Variants in RALGPS1 observed in about 807,000 individuals in gnomAD.
RALGPS1 encodes the protein ras-specific guanine nucleotide-releasing factor RalGPS1.
Under a neutral mutation model 78.8 loss-of-function variants are expected in RALGPS1, and 19 were observed. The ratio of observed to expected loss-of-function variants is 0.24; its 90% CI spans 0.17 to 0.35. RALGPS1 has a LOEUF of 0.35. Ranked by LOEUF, RALGPS1 falls within the 10% of genes least tolerant of loss-of-function variation. The pLI, the probability that RALGPS1 is intolerant of heterozygous loss-of-function variation, is 1.00. For missense variants in RALGPS1, 454 were observed against 688.3 expected, an observed-to-expected ratio of 0.66 and a Z score of 3.81; for synonymous variants, 228 against 256.3, an observed-to-expected ratio of 0.89 and a Z score of 1.06.
intron 4 of RALGPS1, among the ~76,000 whole-genome samples, chr9:126,986,273 C>T (rs920098403): frequency 6.6e-5 from 10 of 152,176 alleles, no homozygotes; most frequent in South Asian, 4.1e-4. Flanking sequence ...GTGACTCTAA[C>T]GAGTGACCAA....
intron 1 of RALGPS1, among the ~76,000 whole-genome samples, chr9:126,958,176 T>C (rs948649278): frequency 7.5e-6 from 1 of 132,528 alleles, no homozygotes; most frequent in African/African-American, 2.7e-5. Flanking sequence ...CACACACACA[T>C]ATATGTGTAT....
At chr9:126,974,315 T>C (rs2040402202) in intron 3 of RALGPS1, among the ~76,000 whole-genome samples, 1 of 152,196 alleles carries the variant, frequency 6.6e-6, no homozygotes, top group East Asian at 1.9e-4. Context: ...TTTCTGTGGT[T>C]CTGTGAGTCA....
In RALGPS1 at chr9:127,131,048, G is replaced by C. The variant is rs186473735; in HGVS notation, c.611-35021G>C. 1.9e-4 allele frequency among the ~76,000 whole-genome samples: 29 copies of C among 152,302 alleles called. 1 individual carries two copies. The East Asian group carries it at 2.5e-3, about 13-fold the overall frequency. On this transcript the variant is annotated intron_variant, in intron 8 of 18. Coordinates refer to ENST00000259351, the MANE Select transcript of RALGPS1 (RefSeq NM_014636.3). ...TATGTGCACTCGCCTCCATAAACTT[G>C]GCTAATTACACTATTGGCCGCTCCT...
At chr9:127,096,301 C>T (rs979829723) in intron 8 of RALGPS1, among the ~76,000 whole-genome samples, 1 of 152,226 alleles carries the variant, frequency 6.6e-6, no homozygotes. Flanking sequence ...TGGAGCAGAG[C>T]GCCGGTGGGC....
chr9:127,147,067 C>T (rs548190094), intron 8 of RALGPS1, among the ~76,000 whole-genome samples: 1 of 152,220 alleles, frequency 6.6e-6, no homozygotes, highest in East Asian at 1.9e-4. Flanking sequence ...TTAATAATAG[C>T]CATTCTGACT....
In RALGPS1 at chr9:127,183,148, G is replaced by A. The variant is rs1188821612; in HGVS notation, c.910+8366G>A. Among the ~76,000 whole-genome samples the A allele has an allele frequency of 3.3e-5, 5 of 150,150 alleles. No individual in the cohort carries two copies. Among genetic ancestry groups the A allele is most frequent in the Admixed American group, 6.8e-5 (1 of 14,718 alleles). On this transcript the variant is annotated intron_variant, in intron 11 of 18. Transcript: ENST00000259351. This position sits in a 1 kb window ranked among gnomAD's most constrained non-coding sequence, Gnocchi z 4.0. ...GTGCTAAGCCATTCATGAAGGATCC[G>A]CCCCCGACCCAGTCACCCCACCAGG... is the stretch of plus-strand genomic sequence containing the variant.
intron 1 of RALGPS1, among the ~76,000 whole-genome samples, chr9:126,957,156 G>A (rs2038422488): frequency 6.6e-6 from 1 of 152,242 alleles, no homozygotes; most frequent in Non-Finnish European, 1.5e-5. Context: ...CTTTAGTGCT[G>A]GTGGTGGTGT....
chr9:126,966,619 C>G lies in RALGPS1; in HGVS notation c.165+668C>G, dbSNP rs111429093. Among the ~76,000 whole-genome samples, 105 of 149,160 alleles carry G rather than the reference C, an allele frequency of 7.0e-4. 2 individuals carry two copies. Among genetic ancestry groups the G allele is most frequent in the African/African-American group, 2.5e-3 (101 of 40,534 alleles). On this transcript the variant is annotated intron_variant, in intron 3 of 18. Transcript: ENST00000259351. ...TTTTTGTTTACATATTCATAAATGT[C>G]TGGATCTATATAGCCAAACATATTA... is the stretch of plus-strand genomic sequence containing the variant.
chr9:127,178,881 G>T (rs2060044887), intron 11 of RALGPS1, among the ~76,000 whole-genome samples: 1 of 152,238 alleles, frequency 6.6e-6, no homozygotes. Flanking sequence ...ACTTCCTTCT[G>T]CAGTGATGGC....
At chr9:127,088,685 A>G (rs2052064788) in intron 8 of RALGPS1, 2 of 534,252 alleles carry the variant, frequency 3.7e-6, no homozygotes, top group South Asian at 4.9e-5. Flanking sequence ...TATTTAAAGA[A>G]AGAGTTGTCT....
At chr9:127,153,728 T>TG (rs1248517135) in intron 8 of RALGPS1, among the ~76,000 whole-genome samples, 5 of 152,242 alleles carry the variant, frequency 3.3e-5, no homozygotes, top group Non-Finnish European at 7.3e-5. Context: ...CTTCGGCCTC[T>TG]GTTCCCTGCA....
intron 1 of RALGPS1, among the ~76,000 whole-genome samples, chr9:126,928,644 C>G (rs1482313132): frequency 6.6e-6 from 1 of 151,716 alleles, no homozygotes; most frequent in African/African-American, 2.4e-5. Context: ...TCTTGTTGCT[C>G]AGGCTGGAGT....
At chr9:127,177,817 AG>A in intron 11 of RALGPS1, 1 of 1,543,652 alleles carries the variant, frequency 6.5e-7, no homozygotes, top group South Asian at 1.2e-5. Context: ...GCTAGGAGCC[AG>A]CCCTGGCCCA....
chr9:127,191,301 C>T (rs1347351943), intron 11 of RALGPS1, among the ~76,000 whole-genome samples: 5 of 152,120 alleles, frequency 3.3e-5, no homozygotes, highest in Admixed American at 2.0e-4. Context: ...TTCCCTTTCC[C>T]CAAGATTATA....
intron 4 of RALGPS1, among the ~76,000 whole-genome samples, chr9:126,982,545 A>G (rs1477845023): frequency 6.6e-6 from 1 of 152,206 alleles, no homozygotes; most frequent in African/African-American, 2.4e-5. Context: ...CATACCAGGC[A>G]TTGTGTTGAG....
chr9:126,990,051 G>A, intron 4 of RALGPS1: 1 of 1,542,314 alleles, frequency 6.5e-7, no homozygotes, highest in Non-Finnish European at 8.7e-7. Flanking sequence ...TGAAGAAGCG[G>A]GCGTTCCAGA....
intron 1 of RALGPS1, among the ~76,000 whole-genome samples, chr9:126,952,449 C>T (rs1164373906): frequency 6.6e-6 from 1 of 152,112 alleles, no homozygotes; most frequent in Non-Finnish European, 1.5e-5. Flanking sequence ...TGCTACTTGC[C>T]AGGAAAGGAG....
At chr9:127,196,732 T>C (rs2140579757) in intron 13 of RALGPS1, 101 bp downstream of exon 13, 1 of 1,383,610 alleles carries the variant, frequency 7.2e-7, no homozygotes, top group East Asian at 2.4e-5. Context: ...AGTGGCGCTA[T>C]CATTCTTGGG....
chr9:127,178,460 A>G, intron 11 of RALGPS1: 1 of 1,002,524 alleles, frequency 1.0e-6, no homozygotes, highest in Non-Finnish European at 1.2e-6. Flanking sequence ...AGTGCGCAAC[A>G]TAGAACACAC....
Sources: gnomAD v4.1 joint callset for allele counts (sites outside exome capture counted in the v4.1 genomes callset) on GRCh38, gnomAD v4.1.1 for gene constraint, Gnocchi (gnomAD v3.1) non-coding constraint, MANE v1.5 for transcripts, NCBI Gene and HGNC (gene_info 2026-07-23, HGNC 2026-07-21) for gene names.